Variants in USP48 observed in about 807,000 individuals in gnomAD.
USP48 encodes the protein ubiquitin specific peptidase 48.
A neutral mutation model predicts 150.7 loss-of-function variants in USP48; 43 were observed. The ratio of observed to expected loss-of-function variants is 0.29; its 90% CI spans 0.22 to 0.37. The LOEUF (loss-of-function observed/expected upper bound fraction) is 0.37. Among genes scored for constraint, USP48 ranks in the 10% least tolerant of loss-of-function variants. USP48 has a pLI of 1.00. For synonymous variants in USP48, 396 were observed against 425.9 expected (o/e 0.93, Z 0.86); for missense variants, 813 against 1,249.6 (o/e 0.65, Z 5.27).
intron 1 of USP48, among the ~76,000 whole-genome samples, chr1:21,759,951 A>G (rs1412747790): frequency 3.3e-5 from 5 of 152,202 alleles, no homozygotes; most frequent in Admixed American, 6.5e-5. Flanking sequence ...ACAAAGGGAA[A>G]GATAATAACT....
intron 26 of USP48, among the ~76,000 whole-genome samples, chr1:21,679,923 A>G (rs2097561012): frequency 6.6e-6 from 1 of 152,094 alleles, no homozygotes; most frequent in African/African-American, 2.4e-5. Flanking sequence ...CGAACTCCTG[A>G]CCTCAAGTGA....
intron 23 of USP48, among the ~76,000 whole-genome samples, chr1:21,692,394 A>T (rs1050379385): frequency 1.3e-5 from 2 of 152,116 alleles, no homozygotes; most frequent in African/African-American, 2.4e-5. Flanking sequence ...GCTACGGTGG[A>T]TGTGTGTGAT....
intron 1 of USP48, among the ~76,000 whole-genome samples, chr1:21,775,556 TCA>T (rs2097895913): frequency 6.6e-6 from 1 of 152,172 alleles, no homozygotes; most frequent in Non-Finnish European, 1.5e-5. Flanking sequence ...TGCGTGGCCC[TCA>T]TTAGGGTTTT....
chr1:21,754,655 T>A (rs902613788), intron 3 of USP48, among the ~76,000 whole-genome samples: 1 of 152,168 alleles, frequency 6.6e-6, no homozygotes, highest in Non-Finnish European at 1.5e-5. Flanking sequence ...CTGCTGCAGA[T>A]CAGCTTCCTC....
intron 1 of USP48, among the ~76,000 whole-genome samples, chr1:21,769,895 A>G (rs1161742411): frequency 1.3e-5 from 2 of 152,146 alleles, no homozygotes; most frequent in African/African-American, 4.8e-5. Context: ...GAAAAGAAAA[A>G]AAAGGACACT....
At chr1:21,701,650 G>T (rs761584126) in intron 21 of USP48, 48 bp from the exon 22 acceptor site, 11 of 1,546,650 alleles carry the variant, frequency 7.1e-6, no homozygotes, top group Middle Eastern at 1.7e-4. Context: ...CCCTAGGAAG[G>T]CAGGCTATGG....
chr1:21,689,597 G>A (rs1428608403), intron 24 of USP48, among the ~76,000 whole-genome samples: 1 of 152,128 alleles, frequency 6.6e-6, no homozygotes, highest in Non-Finnish European at 1.5e-5. Context: ...TTATACCACT[G>A]CCCTGCCCTA....
chr1:21,752,373 T>C (rs1042862847), intron 5 of USP48, among the ~76,000 whole-genome samples, 154 bp downstream of exon 5: 4 of 152,232 alleles, frequency 2.6e-5, no homozygotes, highest in African/African-American at 4.8e-5. Context: ...AACTCACTTG[T>C]TTATATGTTC....
At chr1:21,769,204 G>A (rs540085394) in intron 1 of USP48, among the ~76,000 whole-genome samples, 1 of 151,970 alleles carries the variant, frequency 6.6e-6, no homozygotes, top group African/African-American at 2.4e-5. Context: ...TCAATTCCAG[G>A]TTGACTGTAG....
At chr1:21,759,128 G>A (rs1287651834) in intron 1 of USP48, among the ~76,000 whole-genome samples, 2 of 137,854 alleles carry the variant, frequency 1.5e-5, no homozygotes, top group Admixed American at 7.9e-5. Flanking sequence ...GTTGCAGTGA[G>A]CCAAGATCGT....
At chr1:21,755,491 G>C (rs2097830300) in intron 3 of USP48, among the ~76,000 whole-genome samples, 1 of 152,190 alleles carries the variant, frequency 6.6e-6, no homozygotes, top group African/African-American at 2.4e-5. Flanking sequence ...GAGCCTGGGA[G>C]GTTGAGGCTA....
chr1:21,718,665 C>T (rs1373710323), intron 14 of USP48, among the ~76,000 whole-genome samples: 2 of 151,488 alleles, frequency 1.3e-5, no homozygotes, highest in Non-Finnish European at 2.9e-5. Flanking sequence ...TTCAAATGAT[C>T]TCCTGCCTCA....
intron 1 of USP48, among the ~76,000 whole-genome samples, chr1:21,776,556 T>G (rs1166243142): frequency 8.8e-6 from 1 of 113,898 alleles, no homozygotes; most frequent in African/African-American, 3.3e-5. Flanking sequence ...AGACTCTGTC[T>G]CTATAAAAAA....
intron 1 of USP48, among the ~76,000 whole-genome samples, chr1:21,769,795 T>G (rs190943738): frequency 6.6e-6 from 1 of 152,120 alleles, no homozygotes; most frequent in Non-Finnish European, 1.5e-5. Context: ...AAGGACCACT[T>G]AGACAGACCC....
At chr1:21,680,931 C>A in intron 25 of USP48, 97 bp from the exon 26 acceptor site, 1 of 903,552 alleles carries the variant, frequency 1.1e-6, no homozygotes, top group Non-Finnish European at 1.7e-6. Context: ...TTTAAAATAA[C>A]TTTTGATTAC....
At chr1:21,766,433 G>T (rs572542228) in intron 1 of USP48, among the ~76,000 whole-genome samples, 2 of 152,094 alleles carry the variant, frequency 1.3e-5, no homozygotes, top group Non-Finnish European at 2.9e-5. Context: ...GTATCAAAGG[G>T]TATGAATGAC....
rs377358076 is a variant in USP48 at position 21,736,600 on chromosome 1, G to A, written c.1017C>T (p.Ser339=). The change falls in exon 9 of 27, where the codon AGC becomes AGT. Residue 339 remains serine, a synonymous_variant. Transcript: ENST00000308271. ...TCACTCCTCTGTGTATGAGGACTGC[G>A]CTGAGTTCATACACGTAGGACCCAC... ...HKGGSYVYEL[S]AVLIHRGVSA... is the part of the protein sequence containing the mutation. 4.7e-5 allele frequency: 72 copies of A among 1,521,178 alleles called. No homozygotes were observed. Among genetic ancestry groups the A allele is most frequent in the Middle Eastern group, 1.8e-4 (1 of 5,646 alleles). The allele number at this position is 1,521,178 out of a possible 1,614,324, so 94.2% of individuals were successfully genotyped here.
intron 22 of USP48, among the ~76,000 whole-genome samples, chr1:21,696,677 G>C (rs1360761275): frequency 6.6e-6 from 1 of 151,980 alleles, no homozygotes; most frequent in Non-Finnish European, 1.5e-5. Flanking sequence ...TTTTAGAGGG[G>C]AAATGTCATG....
intron 8 of USP48, among the ~76,000 whole-genome samples, chr1:21,741,778 C>T (rs775575865): frequency 1.3e-5 from 2 of 152,116 alleles, no homozygotes; most frequent in Non-Finnish European, 2.9e-5. Context: ...AAGTCCGAAA[C>T]CAGCCTGGGC....
Sources: gnomAD v4.1 joint callset for allele counts (sites outside exome capture counted in the v4.1 genomes callset) on GRCh38, gnomAD v4.1.1 for gene constraint, MANE v1.5 for transcripts, NCBI Gene and HGNC (gene_info 2026-07-23, HGNC 2026-07-21) for gene names.